Variants in SUPT3H observed in about 807,000 individuals in gnomAD.
The protein encoded by SUPT3H is transcription initiation protein SPT3 homolog.
SUPT3H carries 44 observed loss-of-function variants against 44.3 expected under a neutral mutation model. The ratio of observed to expected loss-of-function variants is 0.99; its 90% CI spans 0.78 to 1.28. SUPT3H has a LOEUF of 1.28. SUPT3H is among the 50% of genes most tolerant of loss of function. The pLI is 0.00. For missense variants in SUPT3H, 380 were observed against 387.1 expected, an observed-to-expected ratio of 0.98 and a Z score of 0.15; for synonymous variants, 124 against 125.6, an observed-to-expected ratio of 0.99 and a Z score of 0.09.
chr6:45,007,933 A>C (rs1782950357), intron 5 of SUPT3H, among the ~76,000 whole-genome samples: 1 of 152,142 alleles, frequency 6.6e-6, no homozygotes, highest in African/African-American at 2.4e-5. Context: ...ATAGAATAAA[A>C]TATCTGGTCT....
chr6:44,845,976 G>A (rs1025198089), intron 10 of SUPT3H, among the ~76,000 whole-genome samples: 3 of 152,160 alleles, frequency 2.0e-5, no homozygotes, highest in African/African-American at 2.4e-5. Flanking sequence ...GCCTATGGAC[G>A]GCTAAACTAA....
Position 44,829,037 on chromosome 6 carries a change from G to A in SUPT3H, c.*779C>T, listed in dbSNP as rs976081740. On this transcript the variant is annotated 3_prime_UTR_variant, in exon 11 of 11. Transcript: ENST00000371459. ...AGGTGTGGTAGTGCTTTGAAGGGAG[G>A]AAGCAAGAAATCACTCTGCTCCCCT... is the stretch of plus-strand genomic sequence containing the variant. The A allele has an allele frequency of 6.6e-5, 10 of 152,550 alleles. No individual in the cohort carries two copies. Among genetic ancestry groups the A allele is most frequent in the African/African-American group, 2.4e-4 (10 of 41,432 alleles). 9.4% of individuals were successfully genotyped at this position (152,550 alleles called of 1,614,324 possible).
chr6:45,316,049 T>C (rs2150011984), intron 2 of SUPT3H, among the ~76,000 whole-genome samples: 1 of 152,282 alleles, frequency 6.6e-6, no homozygotes, highest in Non-Finnish European at 1.5e-5. Flanking sequence ...TTAGAGACTA[T>C]TATTCCAAGT....
At chr6:44,958,898 C>T (rs1328436247) in intron 7 of SUPT3H, among the ~76,000 whole-genome samples, 8 of 80,916 alleles carry the variant, frequency 9.9e-5, no homozygotes, top group African/African-American at 3.2e-4. Context: ...TTTTTTGAGA[C>T]GAGTCTCACC....
intron 2 of SUPT3H, among the ~76,000 whole-genome samples, chr6:45,213,619 G>C (rs1484191910): frequency 6.6e-6 from 1 of 152,018 alleles, no homozygotes; most frequent in Non-Finnish European, 1.5e-5. Flanking sequence ...TTAATCATAA[G>C]TGACCAATTC....
chr6:45,226,440 C>T (rs80352821), intron 2 of SUPT3H, among the ~76,000 whole-genome samples: 7,130 of 152,150 alleles, frequency 0.047, 238 homozygotes, highest in South Asian at 0.12. Context: ...GTAAAATAGG[C>T]TTATTAAATT....
chr6:45,238,812 C>A (rs181386119), intron 2 of SUPT3H, among the ~76,000 whole-genome samples: 177 of 152,286 alleles, frequency 1.2e-3, no homozygotes, highest in African/African-American at 4.0e-3. Context: ...CACGAAGGCA[C>A]AAATACAGCA....
intron 3 of SUPT3H, among the ~76,000 whole-genome samples, chr6:45,048,791 G>A (rs1475848977): frequency 2.0e-5 from 3 of 152,108 alleles, no homozygotes; most frequent in African/African-American, 7.2e-5. Flanking sequence ...GCCAGGCATG[G>A]AAAGACAAAT....
At chr6:44,940,017 CT>C (rs1432685554) in intron 9 of SUPT3H, among the ~76,000 whole-genome samples, 1 of 151,546 alleles carries the variant, frequency 6.6e-6, no homozygotes, top group Non-Finnish European at 1.5e-5. Flanking sequence ...TTTCCTTGAT[CT>C]TTTGTATTTT....
intron 2 of SUPT3H, among the ~76,000 whole-genome samples, chr6:45,145,251 T>C (rs935925783): frequency 1.3e-5 from 2 of 152,144 alleles, no homozygotes; most frequent in Non-Finnish European, 2.9e-5. Flanking sequence ...GGCATCATAT[T>C]ACCTGACTTC....
intron 2 of SUPT3H, among the ~76,000 whole-genome samples, chr6:45,271,468 C>A (rs1209571752): frequency 6.6e-6 from 1 of 152,146 alleles, no homozygotes; most frequent in Non-Finnish European, 1.5e-5. Context: ...GTGGAAGCCC[C>A]AAGTCTTGGC....
At chr6:44,889,584 T>A (rs1291431794) in intron 10 of SUPT3H, among the ~76,000 whole-genome samples, 1 of 152,230 alleles carries the variant, frequency 6.6e-6, no homozygotes, top group Non-Finnish European at 1.5e-5. Flanking sequence ...ACTGGATGCC[T>A]TCCTTACGCC....
downstream of SUPT3H, among the ~76,000 whole-genome samples, chr6:44,826,296 C>T (rs1054257169): frequency 2.6e-5 from 4 of 152,198 alleles, no homozygotes; most frequent in African/African-American, 9.7e-5. Flanking sequence ...TCCCTGCTCT[C>T]TTCTCACCCC....
intron 2 of SUPT3H, among the ~76,000 whole-genome samples, chr6:45,229,822 T>C (rs1767622370): frequency 1.3e-5 from 2 of 152,198 alleles, no homozygotes; most frequent in South Asian, 4.1e-4. Context: ...CTATTTATTA[T>C]TTTTATGTAC....
At chr6:45,365,381 A>T (rs1794959720) in intron 1 of SUPT3H, 80 bp from the exon 2 acceptor site, 1 of 929,422 alleles carries the variant, frequency 1.1e-6, no homozygotes, top group African/African-American at 1.7e-5. Flanking sequence ...GCAAATATAA[A>T]TTACTTCAAA....
At chr6:45,024,499 C>G (rs1242574815) in intron 3 of SUPT3H, among the ~76,000 whole-genome samples, 1 of 152,110 alleles carries the variant, frequency 6.6e-6, no homozygotes, top group Non-Finnish European at 1.5e-5. Flanking sequence ...TCCCTGTTAT[C>G]TAAATTCAAT....
At chr6:44,885,595 C>T (rs1762127759) in intron 10 of SUPT3H, among the ~76,000 whole-genome samples, 1 of 152,082 alleles carries the variant, frequency 6.6e-6, no homozygotes, top group Non-Finnish European at 1.5e-5. Context: ...GAAAGGACAT[C>T]CACAGCAAAA....
chr6:45,063,207 A>C (rs1792501664), intron 3 of SUPT3H, among the ~76,000 whole-genome samples: 1 of 143,602 alleles, frequency 7.0e-6, no homozygotes, highest in Non-Finnish European at 1.5e-5. Context: ...GCACACTGAC[A>C]CCTCACACGG....
intron 2 of SUPT3H, among the ~76,000 whole-genome samples, chr6:45,213,225 C>G (rs1182176522): frequency 6.6e-6 from 1 of 152,138 alleles, no homozygotes; most frequent in Admixed American, 6.5e-5. Context: ...ATGCATTGTT[C>G]AAGCAACAGG....
Sources: gnomAD v4.1 joint callset for allele counts (sites outside exome capture counted in the v4.1 genomes callset) on GRCh38, gnomAD v4.1.1 for gene constraint, MANE v1.5 for transcripts, NCBI Gene and HGNC (gene_info 2026-07-23, HGNC 2026-07-21) for gene names.